Variants in DIAPH2 observed in about 807,000 individuals in gnomAD.
DIAPH2 encodes protein diaphanous homolog 2.
Under a neutral mutation model 92.7 loss-of-function variants are expected in DIAPH2, and 35 were observed. The ratio of observed to expected loss-of-function variants is 0.38; its 90% CI spans 0.29 to 0.50. The LOEUF (loss-of-function observed/expected upper bound fraction) is 0.50. DIAPH2 is among the 20% of genes least tolerant of loss of function. DIAPH2 has a pLI of 0.94. For missense variants in DIAPH2, 701 were observed against 819.5 expected (o/e 0.86, Z 1.77); for synonymous variants, 301 against 280.4 (o/e 1.07, Z -0.73).
At chrX:96,776,913 T>C (rs1216968441) in intron 4 of DIAPH2, among the ~76,000 whole-genome samples, 1 of 112,006 alleles carries the variant, frequency 8.9e-6, no homozygotes, top group Non-Finnish European at 1.9e-5. Context: ...TAAACTATTG[T>C]TAGTAATTTG....
chrX:97,536,611 G>C (rs2071098068), intron 26 of DIAPH2, among the ~76,000 whole-genome samples: 1 of 111,693 alleles, frequency 9.0e-6, no homozygotes, highest in Admixed American at 9.5e-5. Flanking sequence ...TAGAATTTCT[G>C]TACTGGATCA....
At chrX:96,757,244 T>C (rs1162983683) in intron 3 of DIAPH2, among the ~76,000 whole-genome samples, 2 of 111,698 alleles carry the variant, frequency 1.8e-5, no homozygotes, top group African/African-American at 6.5e-5. Flanking sequence ...AAAATGCCTA[T>C]TCAAGTGTTT....
chrX:96,989,785 C>A (rs1198853893), intron 17 of DIAPH2, among the ~76,000 whole-genome samples: 1 of 111,569 alleles, frequency 9.0e-6, no homozygotes, highest in South Asian at 3.8e-4. Flanking sequence ...AAAACCAACT[C>A]CTTCAGACCA....
At chrX:96,697,874 G>T (rs2063833825) in intron 1 of DIAPH2, among the ~76,000 whole-genome samples, 2 of 98,897 alleles carry the variant, frequency 2.0e-5, no homozygotes, top group Non-Finnish European at 3.8e-5. Flanking sequence ...TAGTGCCATT[G>T]TCAAAAAAAA....
intron 23 of DIAPH2, among the ~76,000 whole-genome samples, chrX:97,254,890 G>A (rs967963763): frequency 1.3e-4 from 14 of 109,693 alleles, no homozygotes; most frequent in African/African-American, 3.6e-4. Context: ...ATTTTTAGTA[G>A]AGACGGGGTT....
intron 17 of DIAPH2, among the ~76,000 whole-genome samples, chrX:97,061,161 TG>T (rs780926344): frequency 8.9e-6 from 1 of 112,273 alleles, no homozygotes; most frequent in South Asian, 3.7e-4. Context: ...AGTATCAACA[TG>T]CTACTTGCTA....
At chrX:97,320,587 C>T (rs1352411068) in intron 23 of DIAPH2, among the ~76,000 whole-genome samples, 2 of 109,609 alleles carry the variant, frequency 1.8e-5, no homozygotes, top group Non-Finnish European at 3.8e-5. Flanking sequence ...TGGTGGCGGG[C>T]GCCTGCAGTC....
In DIAPH2 at chrX:96,693,484, G is replaced by A. The variant is rs146138723; in HGVS notation, c.132+8294G>A. Among the ~76,000 whole-genome samples, 256 of 112,234 alleles carry A rather than the reference G, an allele frequency of 2.3e-3. 3 individuals are homozygous for A. The highest frequency in any genetic ancestry group is 7.9e-3 in the African/African-American group (244 of 30,871). The stretch of plus-strand genomic sequence containing the variant: ...TTTACAAAGATTCTATATGTAGATA[G>A]GAAGACCTTGTATAGGCTGTACACT... On this transcript the variant is annotated intron_variant, in intron 1 of 26. Coordinates refer to ENST00000324765, the MANE Select transcript of DIAPH2 (RefSeq NM_006729.5).
chrX:97,185,305 A>AT (rs2067572094), intron 22 of DIAPH2, among the ~76,000 whole-genome samples: 3 of 56,626 alleles, frequency 5.3e-5, no homozygotes, highest in African/African-American at 2.7e-4. Context: ...AAAAAAAAAA[A>AT]AATATATATA....
intron 22 of DIAPH2, among the ~76,000 whole-genome samples, chrX:97,147,527 T>G (rs1352756590): frequency 1.8e-5 from 2 of 111,214 alleles, no homozygotes; most frequent in Non-Finnish European, 3.8e-5. Flanking sequence ...TTTTTACTGT[T>G]TGATTTAAAA....
At chrX:96,844,587 C>A (rs2064958680) in intron 4 of DIAPH2, among the ~76,000 whole-genome samples, 1 of 112,007 alleles carries the variant, frequency 8.9e-6, no homozygotes, top group African/African-American at 3.2e-5. Flanking sequence ...AATAGTACAA[C>A]TTTCATTGAT....
chrX:97,604,015 C>T lies in DIAPH2; in HGVS notation c.*4698C>T, dbSNP rs2071608285. On this transcript the variant is annotated 3_prime_UTR_variant, in exon 27 of 27. Coordinates refer to ENST00000324765, the MANE Select transcript of DIAPH2 (RefSeq NM_006729.5). The stretch of plus-strand genomic sequence containing the variant: ...TGCTGTAACAAATTACCCTCTAGCC[C>T]AGTGGCTTAAAACAATAGAAATTTA... 8.9e-6 allele frequency: 1 copy of T among 112,588 alleles called. No individual in the cohort carries two copies. The highest frequency in any genetic ancestry group is 1.9e-5 in the Non-Finnish European group (1 of 53,303). The allele number at this position is 112,588 out of a possible 1,213,427, so 9.3% of individuals were successfully genotyped here. A position where few individuals can be genotyped will look rare whatever the true frequency, so the allele number is the denominator to read the frequency against.
chrX:97,368,908 T>TTC (rs1556036534), intron 24 of DIAPH2, among the ~76,000 whole-genome samples: 1 of 85,027 alleles, frequency 1.2e-5, no homozygotes, highest in African/African-American at 4.2e-5. Context: ...TCTTTTTTTT[T>TTC]TTTTTTTTTT....
At chrX:96,727,520 T>C (rs952409232) in intron 1 of DIAPH2, among the ~76,000 whole-genome samples, 1 of 112,097 alleles carries the variant, frequency 8.9e-6, no homozygotes, top group Non-Finnish European at 1.9e-5. Flanking sequence ...ATGCTGCTCC[T>C]TTTGTCTGAC....
At chrX:97,279,454 C>T (rs1244053304) in intron 23 of DIAPH2, among the ~76,000 whole-genome samples, 4 of 109,587 alleles carry the variant, frequency 3.7e-5, no homozygotes, top group Non-Finnish European at 7.6e-5. Context: ...CAGGTGCCCA[C>T]CACCATACCT....
Position 97,602,075 on chromosome X carries a change from TTA to T in DIAPH2, c.*2759_*2760del, listed in dbSNP as rs1204742944. On this transcript the variant is annotated 3_prime_UTR_variant, in exon 27 of 27. Coordinates refer to ENST00000324765, the MANE Select transcript of DIAPH2 (RefSeq NM_006729.5). The stretch of plus-strand genomic sequence containing the variant: ...ATCTCCTCACCTCATGAGTCTTAAC[TTA>T]ATTACATCTGCAAGGCCCCCTTCTC... 1.8e-5 allele frequency: 2 copies of T among 112,250 alleles called. No individual in the cohort carries two copies. The highest frequency in any genetic ancestry group is 3.8e-5 in the Non-Finnish European group (2 of 53,261). 9.3% of individuals were successfully genotyped at this position (112,250 alleles called of 1,213,427 possible). A position where few individuals can be genotyped will look rare whatever the true frequency, so the allele number is the denominator to read the frequency against.
chrX:97,257,679 CT>C (rs1490136539), intron 23 of DIAPH2, among the ~76,000 whole-genome samples: 2 of 111,308 alleles, frequency 1.8e-5, no homozygotes, highest in Non-Finnish European at 3.8e-5. Context: ...GATATTTGGA[CT>C]GGGTATCCAT....
In DIAPH2 at chrX:96,908,756, C is replaced by T. The variant is rs371921199; in HGVS notation, c.588-3572C>T. 3.1e-4 allele frequency among the ~76,000 whole-genome samples: 34 copies of T among 111,226 alleles called. No individual in the cohort carries two copies. In the East Asian group the frequency reaches 5.7e-3, roughly 19 times the overall value. ...CTGGGACTACAGGCGCCCGCCACCA[C>T]GCCCAGCTAATTTTTGGTATTTTTA... On this transcript the variant is annotated intron_variant, in intron 5 of 26. Coordinates refer to ENST00000324765, the MANE Select transcript of DIAPH2 (RefSeq NM_006729.5).
intron 1 of DIAPH2, among the ~76,000 whole-genome samples, chrX:96,709,384 C>T (rs1253958031): frequency 9.0e-6 from 1 of 111,587 alleles, no homozygotes; most frequent in South Asian, 3.8e-4. Flanking sequence ...TTGATAAAGG[C>T]GCTAAAAGGA....
Sources: allele counts gnomAD v4.1 joint callset (sites outside exome capture counted in the v4.1 genomes callset), GRCh38; gene constraint gnomAD v4.1.1; transcripts MANE v1.5; gene names NCBI Gene and HGNC (gene_info 2026-07-23, HGNC 2026-07-21).